LNX1: variants seen among roughly 807,000 people sequenced by gnomAD.
LNX1 encodes ligand of numb-protein X 1, also known as E3 ubiquitin-protein ligase LNX.
In LNX1, 54 loss-of-function variants were observed where a neutral mutation model predicts 68.4. The ratio of observed to expected loss-of-function variants is 0.79; its 90% CI spans 0.63 to 0.99. The LOEUF (loss-of-function observed/expected upper bound fraction) is 0.99, where lower values mean the gene tolerates loss of function less well. LNX1 is among the 50% of genes least tolerant of loss of function. The pLI, the probability that LNX1 is intolerant of heterozygous loss-of-function variation, is 0.00. For synonymous variants in LNX1, 336 were observed against 350.0 expected (o/e 0.96, Z 0.45); for missense variants, 906 against 926.4 (o/e 0.98, Z 0.29).
intron 2 of LNX1, among the ~76,000 whole-genome samples, chr4:53,562,038 G>C (rs539012622): frequency 6.6e-6 from 1 of 152,320 alleles, no homozygotes; most frequent in African/African-American, 2.4e-5. Flanking sequence ...CATTTCCTTA[G>C]AGGCAGAAAT....
chr4:53,530,788 A>G (rs6843631), intron 2 of LNX1, among the ~76,000 whole-genome samples: 2,701 of 152,306 alleles, frequency 0.018, 88 homozygotes, highest in African/African-American at 0.062. Context: ...TTTTTGTTTA[A>G]GTATTTCAGG....
intron 2 of LNX1, among the ~76,000 whole-genome samples, chr4:53,566,671 A>T (rs1730716046): frequency 6.6e-6 from 1 of 152,128 alleles, no homozygotes; most frequent in South Asian, 2.1e-4. Flanking sequence ...ATGTAAATGG[A>T]CTAAATGCTC....
chr4:53,530,649 A>G (rs1727949038), intron 2 of LNX1, among the ~76,000 whole-genome samples: 1 of 152,240 alleles, frequency 6.6e-6, no homozygotes, highest in South Asian at 2.1e-4. Flanking sequence ...TTCAGAGTAA[A>G]AAAAGTAGTA....
At chr4:53,541,615 C>T (rs923398346) in intron 2 of LNX1, among the ~76,000 whole-genome samples, 21 of 152,064 alleles carry the variant, frequency 1.4e-4, no homozygotes, top group Admixed American at 9.8e-4. Flanking sequence ...TGACTTGAGA[C>T]AAGAACAATA....
At chr4:53,578,022 A>C (rs1731609450) in intron 1 of LNX1, among the ~76,000 whole-genome samples, 1 of 152,158 alleles carries the variant, frequency 6.6e-6, no homozygotes, top group African/African-American at 2.4e-5. Flanking sequence ...ATGGCATAGG[A>C]AACTGAAATG....
At chr4:53,520,050 G>A (rs77022810) in intron 2 of LNX1, among the ~76,000 whole-genome samples, 643 of 152,320 alleles carry the variant, frequency 4.2e-3, no homozygotes, top group Non-Finnish European at 7.4e-3. Flanking sequence ...CTTTGTGGAT[G>A]TTCTGTCCCC....
intron 4 of LNX1, among the ~76,000 whole-genome samples, chr4:53,502,639 T>C (rs1725588909): frequency 6.6e-6 from 1 of 152,194 alleles, no homozygotes; most frequent in Non-Finnish European, 1.5e-5. Context: ...CCACATGAAC[T>C]GACTCTCGTG....
intron 1 of LNX1, among the ~76,000 whole-genome samples, chr4:53,580,740 G>A (rs923844559): frequency 3.3e-5 from 5 of 152,190 alleles, no homozygotes; most frequent in African/African-American, 1.2e-4. Flanking sequence ...GTCTTCAGTG[G>A]CTAAATAGTT....
At chr4:53,495,189 A>G (rs35313782) in intron 6 of LNX1, among the ~76,000 whole-genome samples, 18,086 of 152,212 alleles carry the variant, frequency 0.12, 1,388 homozygotes, top group South Asian at 0.22. Context: ...ATTTCTTACA[A>G]TTACATATTA....
intron 2 of LNX1, among the ~76,000 whole-genome samples, chr4:53,611,359 A>G (rs1023476100): frequency 3.3e-5 from 5 of 152,190 alleles, no homozygotes; most frequent in African/African-American, 1.2e-4. Flanking sequence ...ATTTTCTTGG[A>G]TAGGAAAATT....
At position 53,495,949 on chromosome 4, in the gene LNX1, T is replaced by C. The variant is rs981831262; in HGVS notation, c.1350+74A>G. 7 of 1,533,614 alleles carry C rather than the reference T, an allele frequency of 4.6e-6. No individual in the cohort carries two copies. The African/African-American group carries it at 9.6e-5, about 21-fold the overall frequency. On this transcript the variant is annotated intron_variant, in intron 6 of 10. Coordinates refer to ENST00000263925, the MANE Select transcript of LNX1 (RefSeq NM_001126328.3). ...ACACATGTGGTAGTGACAGGGTGCC[T>C]GGTTCAGGGGGATGTGCATTCTTGC... is the stretch of plus-strand genomic sequence containing the variant.
chr4:53,464,840 T>G (rs1484771268), intron 9 of LNX1, among the ~76,000 whole-genome samples: 1 of 152,148 alleles, frequency 6.6e-6, no homozygotes, highest in Non-Finnish European at 1.5e-5. Context: ...TATTCCTCAA[T>G]GATAGCCAAT....
At chr4:53,641,593 C>G (rs1236453960) in intron 1 of LNX1, among the ~76,000 whole-genome samples, 2 of 152,156 alleles carry the variant, frequency 1.3e-5, no homozygotes, top group Non-Finnish European at 2.9e-5. Flanking sequence ...TGCATCTGAT[C>G]AATTTTGGCA....
Position 53,575,133 on chromosome 4 carries a change from C to T in LNX1, c.-86-1045G>A, listed in dbSNP as rs1253079430. Among the ~76,000 whole-genome samples the T allele has an allele frequency of 3.3e-5, 5 of 152,258 alleles. No homozygotes were observed. The South Asian group carries it at 8.3e-4, about 25-fold the overall frequency. The stretch of plus-strand genomic sequence containing the variant: ...AGTAGCTGGGATTACAGGCGCGCGC[C>T]ACCATGCCTGGCTAATTTTTGTATT... On this transcript the variant is annotated intron_variant, in intron 1 of 10. Transcript: ENST00000263925.
At chr4:53,556,746 C>G (rs915877473) in intron 2 of LNX1, among the ~76,000 whole-genome samples, 3 of 152,200 alleles carry the variant, frequency 2.0e-5, no homozygotes, top group African/African-American at 7.2e-5. Flanking sequence ...TTCCAAGAAC[C>G]TAGCTGTATT....
At chr4:53,630,106 C>T (rs1263239410) in intron 1 of LNX1, among the ~76,000 whole-genome samples, 4 of 151,608 alleles carry the variant, frequency 2.6e-5, no homozygotes, top group African/African-American at 7.3e-5. Context: ...GGGGGGCATG[C>T]GGGTGGGAAT....
intron 2 of LNX1, 140 bp from the exon 3 acceptor site, chr4:53,508,367 T>C: frequency 2.0e-6 from 2 of 1,020,174 alleles, no homozygotes; most frequent in African/African-American, 1.6e-5. Flanking sequence ...CTATATCCTC[T>C]CTTCCCTTTT....
chr4:53,465,300 TCTTTA>T (rs1316484795), intron 9 of LNX1, among the ~76,000 whole-genome samples: 2 of 152,312 alleles, frequency 1.3e-5, no homozygotes, highest in African/African-American at 4.8e-5. Context: ...ACAGAACTTC[TCTTTA>T]CTTGTTAGCA....
At chr4:53,522,078 G>T (rs1342044282) in intron 2 of LNX1, among the ~76,000 whole-genome samples, 1 of 152,118 alleles carries the variant, frequency 6.6e-6, no homozygotes, top group African/African-American at 2.4e-5. Flanking sequence ...ACCAGCGAGA[G>T]CCACCACACC....
Sources: gnomAD v4.1 joint callset for allele counts (sites outside exome capture counted in the v4.1 genomes callset) on GRCh38, gnomAD v4.1.1 for gene constraint, MANE v1.5 for transcripts, NCBI Gene and HGNC (gene_info 2026-07-23, HGNC 2026-07-21) for gene names.